DTWD2: variants seen among roughly 807,000 people sequenced by gnomAD.
DTWD2 encodes the protein tRNA-uridine aminocarboxypropyltransferase 2.
In DTWD2, 39 loss-of-function variants were observed where a neutral mutation model predicts 31.8. The ratio of observed to expected loss-of-function variants is 1.22; its 90% CI spans 0.95 to 1.60. The LOEUF (loss-of-function observed/expected upper bound fraction) is 1.60, where lower values mean the gene tolerates loss of function less well. Ranked by LOEUF, DTWD2 falls within the 40% of genes most tolerant of loss-of-function variation. The probability of loss-of-function intolerance (pLI) is 0.00; values close to 1 mark genes in which losing one functional copy is unlikely to be tolerated. For synonymous variants in DTWD2, 180 were observed against 142.8 expected (o/e 1.26, Z -1.86); for missense variants, 515 against 381.5 (o/e 1.35, Z -2.92).
intron 4 of DTWD2, among the ~76,000 whole-genome samples, chr5:118,876,346 A>G (rs538038488): frequency 1.3e-5 from 2 of 152,304 alleles, no homozygotes; most frequent in East Asian, 1.9e-4. Flanking sequence ...GACAAGAAAT[A>G]ACCACAATCA....
At chr5:118,974,246 T>G (rs1373593472) in intron 1 of DTWD2, 1 of 869,966 alleles carries the variant, frequency 1.1e-6, no homozygotes, top group African/African-American at 1.7e-5. Flanking sequence ...CCGCCCACCG[T>G]GGACAGTGCC....
At chr5:118,917,787 C>T (rs867403554) in intron 4 of DTWD2, among the ~76,000 whole-genome samples, 1 of 152,098 alleles carries the variant, frequency 6.6e-6, no homozygotes. Flanking sequence ...GAGTGACAAA[C>T]ATGGTGAAAC....
intron 4 of DTWD2, among the ~76,000 whole-genome samples, chr5:118,862,403 T>C (rs1752281737): frequency 6.6e-6 from 1 of 152,142 alleles, no homozygotes; most frequent in Non-Finnish European, 1.5e-5. Context: ...TAGATACCTA[T>C]TCCTAGGGTA....
At chr5:118,900,904 A>T (rs1166843672) in intron 4 of DTWD2, among the ~76,000 whole-genome samples, 1 of 151,738 alleles carries the variant, frequency 6.6e-6, no homozygotes, top group Non-Finnish European at 1.5e-5. Context: ...CAGCCTGGGC[A>T]ACAGAGTGAG....
In DTWD2 at chr5:118,836,967, C is replaced by A. The variant is rs898999437; in HGVS notation, c.*3950G>T. 2.6e-5 allele frequency among the ~76,000 whole-genome samples: 4 copies of A among 152,168 alleles called. No homozygotes were observed. The highest frequency in any genetic ancestry group is 9.7e-5 in the African/African-American group (4 of 41,450). ...AAGTGATCAGCACGGTGTAAAAAGT[C>A]AGGGATTTCCAGATTTCCTGAATAA... On this transcript the variant is annotated 3_prime_UTR_variant, in exon 6 of 6. Transcript: ENST00000510708.
intron 1 of DTWD2, among the ~76,000 whole-genome samples, chr5:118,949,735 G>A (rs965826897): frequency 6.6e-6 from 1 of 152,144 alleles, no homozygotes; most frequent in African/African-American, 2.4e-5. Context: ...CATACTTGTG[G>A]ATTAAGATGG....
intron 4 of DTWD2, among the ~76,000 whole-genome samples, chr5:118,862,244 C>T (rs1277097961): frequency 1.3e-5 from 2 of 152,194 alleles, no homozygotes; most frequent in African/African-American, 2.4e-5. Context: ...CGTGGAAAAA[C>T]TGTCTTCCAG....
chr5:118,888,398 T>C (rs1054861271), intron 4 of DTWD2, among the ~76,000 whole-genome samples: 2 of 152,226 alleles, frequency 1.3e-5, no homozygotes, highest in Non-Finnish European at 2.9e-5. Context: ...AGTATAATTA[T>C]TTTCACATTC....
intron 1 of DTWD2, among the ~76,000 whole-genome samples, chr5:118,979,285 CAGAGCA>C (rs1755235889): frequency 6.6e-6 from 1 of 151,964 alleles, no homozygotes; most frequent in African/African-American, 2.4e-5. Context: ...GCCTGGGCGA[CAGAGCA>C]AGAGTCCATC....
At chr5:118,953,927 A>G (rs1459490138) in intron 1 of DTWD2, among the ~76,000 whole-genome samples, 1 of 152,218 alleles carries the variant, frequency 6.6e-6, no homozygotes, top group Non-Finnish European at 1.5e-5. Flanking sequence ...AGATATCTGC[A>G]GAGCTTAAAG....
intron 1 of DTWD2, among the ~76,000 whole-genome samples, chr5:118,978,766 G>T (rs749647768): frequency 6.6e-6 from 1 of 152,120 alleles, no homozygotes; most frequent in South Asian, 2.1e-4. Context: ...AGCACTTCAG[G>T]AGGCCAAGGA....
At chr5:118,973,950 TA>T (rs1755062286) in intron 1 of DTWD2, 2 of 1,584,222 alleles carry the variant, frequency 1.3e-6, no homozygotes, top group South Asian at 2.2e-5. Context: ...GACAATGAGG[TA>T]GATGAAGAAG....
intron 4 of DTWD2, among the ~76,000 whole-genome samples, chr5:118,850,322 A>C (rs1367026158): frequency 2.0e-5 from 3 of 148,536 alleles, no homozygotes; most frequent in South Asian, 2.1e-4. Flanking sequence ...AAAAAAAAAA[A>C]AAAAAACATT....
chr5:118,852,274 T>A (rs1752027404), intron 4 of DTWD2, among the ~76,000 whole-genome samples: 1 of 152,184 alleles, frequency 6.6e-6, no homozygotes, highest in Non-Finnish European at 1.5e-5. Context: ...AACACATGTT[T>A]TACAATCAAT....
chr5:118,899,165 C>T (rs564605118), intron 4 of DTWD2, among the ~76,000 whole-genome samples: 9 of 152,178 alleles, frequency 5.9e-5, no homozygotes, highest in Non-Finnish European at 1.2e-4. Context: ...CTACGTGGCC[C>T]GCAACTTGTA....
Position 118,947,303 on chromosome 5 carries a change from G to A in DTWD2, c.219-2654C>T, listed in dbSNP as rs531656558. On this transcript the variant is annotated intron_variant, in intron 1 of 5. Transcript: ENST00000510708. ...CACCCAAGCTCTTGTTCGGCGTCCAGTAAAAATCAGGTCACAGGAATGAAT... is the reference window on the plus strand; with the variant it reads ...CACCCAAGCTCTTGTTCGGCGTCCAATAAAAATCAGGTCACAGGAATGAAT... Among the ~76,000 whole-genome samples, 4 of 152,328 alleles carry A rather than the reference G, an allele frequency of 2.6e-5. No homozygotes were observed. The South Asian group carries it at 8.3e-4, about 32-fold the overall frequency.
chr5:118,865,414 T>C (rs1752360818), intron 4 of DTWD2, among the ~76,000 whole-genome samples: 1 of 152,036 alleles, frequency 6.6e-6, no homozygotes, highest in Non-Finnish European at 1.5e-5. Flanking sequence ...TTCCTAAATA[T>C]ACTATATACC....
chr5:118,895,931 G>T (rs1305855491), intron 4 of DTWD2, among the ~76,000 whole-genome samples: 3 of 151,944 alleles, frequency 2.0e-5, no homozygotes, highest in African/African-American at 7.3e-5. Flanking sequence ...TTTGTTTAAG[G>T]AATAAAATTA....
intron 1 of DTWD2, among the ~76,000 whole-genome samples, chr5:118,984,717 C>T (rs1388218980): frequency 1.3e-5 from 2 of 152,260 alleles, no homozygotes; most frequent in East Asian, 3.9e-4. Flanking sequence ...GCTGTTTCTT[C>T]CCTTAAACAG....
Sources: allele counts gnomAD v4.1 joint callset (sites outside exome capture counted in the v4.1 genomes callset), GRCh38; gene constraint gnomAD v4.1.1; transcripts MANE v1.5; gene names NCBI Gene and HGNC (gene_info 2026-07-23, HGNC 2026-07-21).